The following COG5 variants were observed in gnomAD, a reference collection of about 807,000 sequenced individuals.
COG5 encodes component of oligomeric golgi complex 5.
Under a neutral mutation model 110.4 loss-of-function variants are expected in COG5, and 86 were observed. That is an observed-to-expected ratio of 0.78 (90% CI 0.65 to 0.93). The LOEUF is 0.93. Ranked by LOEUF, COG5 falls within the 40% of genes least tolerant of loss-of-function variation. The pLI is 0.00. For missense variants in COG5, 1,077 were observed against 987.0 expected (o/e 1.09, Z -1.22); for synonymous variants, 360 against 334.6 (o/e 1.08, Z -0.83).
chr7:107,391,065 T>C (rs1584764259), intron 7 of COG5, among the ~76,000 whole-genome samples: 4 of 152,114 alleles, frequency 2.6e-5, no homozygotes, highest in Admixed American at 2.6e-4. Flanking sequence ...CCTTTGACCA[T>C]CCACGGATGC....
At chr7:107,556,023 A>G (rs1257196755) in intron 2 of COG5, among the ~76,000 whole-genome samples, 1 of 152,002 alleles carries the variant, frequency 6.6e-6, no homozygotes, top group Non-Finnish European at 1.5e-5. Flanking sequence ...CAAAGAAAAA[A>G]AAAAAAAAGG....
intron 10 of COG5, among the ~76,000 whole-genome samples, chr7:107,356,540 A>C (rs938943121): frequency 4.6e-5 from 7 of 152,094 alleles, no homozygotes; most frequent in South Asian, 2.1e-4. Flanking sequence ...ACTCATAATA[A>C]ATAAAACAAA....
At chr7:107,475,093 T>G in intron 6 of COG5, 2 of 1,612,938 alleles carry the variant, frequency 1.2e-6, no homozygotes, top group Non-Finnish European at 1.7e-6. Context: ...AAGTGACCTT[T>G]TAGTAAAATT....
intron 11 of COG5, among the ~76,000 whole-genome samples, chr7:107,317,258 C>T (rs533214108): frequency 6.6e-6 from 1 of 152,162 alleles, no homozygotes; most frequent in South Asian, 2.1e-4. Flanking sequence ...GGAAAATACC[C>T]TTCCTTCTAT....
chr7:107,215,023 G>C (rs1242183341), intron 19 of COG5, among the ~76,000 whole-genome samples: 1 of 152,136 alleles, frequency 6.6e-6, no homozygotes, highest in Non-Finnish European at 1.5e-5. Context: ...AAATGTGTAG[G>C]GAAGGGGAAT....
At chr7:107,525,953 A>T (rs1205987287) in intron 6 of COG5, among the ~76,000 whole-genome samples, 1 of 152,164 alleles carries the variant, frequency 6.6e-6, no homozygotes, top group African/African-American at 2.4e-5. Flanking sequence ...ATTCCCAATG[A>T]TTTTCCTAAG....
At chr7:107,391,902 C>G (rs1285731488) in intron 7 of COG5, among the ~76,000 whole-genome samples, 1 of 152,086 alleles carries the variant, frequency 6.6e-6, no homozygotes, top group African/African-American at 2.4e-5. Context: ...CCACCCTGGC[C>G]AACATGGTGA....
At chr7:107,335,307 T>C (rs1810609970) in intron 10 of COG5, among the ~76,000 whole-genome samples, 1 of 152,124 alleles carries the variant, frequency 6.6e-6, no homozygotes, top group Non-Finnish European at 1.5e-5. Flanking sequence ...GGAGAATCAC[T>C]TGAACCCGGG....
intron 2 of COG5, among the ~76,000 whole-genome samples, chr7:107,556,017 G>GAAA (rs796585809): frequency 5.7e-5 from 6 of 105,072 alleles, no homozygotes; most frequent in African/African-American, 2.1e-4. Flanking sequence ...CTGTCTCAAA[G>GAAA]AAAAAAAAAA....
intron 10 of COG5, among the ~76,000 whole-genome samples, chr7:107,330,423 T>TAA (rs1810139925): frequency 6.6e-6 from 1 of 152,346 alleles, no homozygotes; most frequent in South Asian, 2.1e-4. Flanking sequence ...GCCTTTGCTT[T>TAA]AGCCATTGAT....
At chr7:107,292,408 T>C (rs1806248821) in intron 12 of COG5, among the ~76,000 whole-genome samples, 1 of 152,204 alleles carries the variant, frequency 6.6e-6, no homozygotes, top group Non-Finnish European at 1.5e-5. Flanking sequence ...ATGGCAAGCT[T>C]CTTTCTGACT....
At chr7:107,233,104 C>G (rs1421164234) in intron 18 of COG5, among the ~76,000 whole-genome samples, 1 of 152,102 alleles carries the variant, frequency 6.6e-6, no homozygotes, top group Non-Finnish European at 1.5e-5. Flanking sequence ...TTAAAGGGCA[C>G]CAGAAGACCT....
At chr7:107,443,895 G>T (rs1794862934) in intron 6 of COG5, among the ~76,000 whole-genome samples, 1 of 152,162 alleles carries the variant, frequency 6.6e-6, no homozygotes, top group Admixed American at 6.5e-5. Context: ...GAGATCTCTA[G>T]TAAGAGACAC....
At chr7:107,445,244 G>A (rs1412168195) in intron 6 of COG5, among the ~76,000 whole-genome samples, 10 of 152,008 alleles carry the variant, frequency 6.6e-5, no homozygotes, top group African/African-American at 2.4e-4. Flanking sequence ...TATTAGTGGA[G>A]TTACAAAAAC....
In COG5 at chr7:107,211,111, T is replaced by C. The variant is rs1358654712; in HGVS notation, c.2283A>G (p.Lys761=). ...CTTTATTTATTACCTGGAAAGGAGA[T>C]TTCAGTTCAGCGGGTGCTCTCGTGA... ...FLFTRAPAEL[K]SPFQRAEWSH... Residue 761 remains lysine, a synonymous_variant, in exon 20 of 22, where the codon AAA becomes AAG. Transcript: ENST00000297135. 7 of 1,614,000 alleles carry C rather than the reference T, an allele frequency of 4.3e-6. No individual in the cohort carries two copies. Among genetic ancestry groups the C allele is most frequent in the African/African-American group, 1.3e-5 (1 of 74,924 alleles).
chr7:107,492,787 G>A (rs1035126842), intron 6 of COG5, among the ~76,000 whole-genome samples: 3 of 151,986 alleles, frequency 2.0e-5, no homozygotes, highest in African/African-American at 7.2e-5. Flanking sequence ...TAATTTAAAC[G>A]TACCTGCCAA....
intron 7 of COG5, among the ~76,000 whole-genome samples, chr7:107,411,447 A>C (rs1792288908): frequency 6.6e-6 from 1 of 152,124 alleles, no homozygotes; most frequent in African/African-American, 2.4e-5. Context: ...CTAATGTTAG[A>C]AGTTAGAATA....
intron 7 of COG5, among the ~76,000 whole-genome samples, chr7:107,394,956 A>T (rs187249711): frequency 5.9e-5 from 9 of 152,342 alleles, no homozygotes; most frequent in Admixed American, 5.2e-4. Context: ...TGAGGGAAGG[A>T]AAAGGACAAA....
chr7:107,538,236 G>C (rs1801731325), intron 5 of COG5, among the ~76,000 whole-genome samples: 1 of 152,162 alleles, frequency 6.6e-6, no homozygotes, highest in South Asian at 2.1e-4. Flanking sequence ...AAAGATTAGG[G>C]CAGGGCGGCC....
Sources: allele counts gnomAD v4.1 joint callset (sites outside exome capture counted in the v4.1 genomes callset), GRCh38; gene constraint gnomAD v4.1.1; transcripts MANE v1.5; gene names NCBI Gene and HGNC (gene_info 2026-07-23, HGNC 2026-07-21).